The following GTF2IRD1 variants were observed in gnomAD, a reference collection of about 807,000 sequenced individuals.
GTF2IRD1 encodes the protein general transcription factor II-I repeat domain-containing protein 1.
A neutral mutation model predicts 113.2 loss-of-function variants in GTF2IRD1; 26 were observed. The observed-to-expected ratio is 0.23, with a 90% CI of 0.17 to 0.32. The LOEUF is 0.32. Ranked by LOEUF, GTF2IRD1 falls within the 10% of genes least tolerant of loss-of-function variation. The pLI is 1.00. For missense variants in GTF2IRD1, 864 were observed against 1,280.8 expected (o/e 0.67, Z 4.97); for synonymous variants, 484 against 529.1 (o/e 0.91, Z 1.17).
chr7:74,513,276 C>A (rs899927187), intron 3 of GTF2IRD1, among the ~76,000 whole-genome samples: 1 of 152,190 alleles, frequency 6.6e-6, no homozygotes, highest in Non-Finnish European at 1.5e-5. Context: ...TTCCTGAACA[C>A]AAGGACCAAA....
intron 1 of GTF2IRD1, among the ~76,000 whole-genome samples, chr7:74,481,606 T>C (rs1794745326): frequency 1.3e-5 from 2 of 152,240 alleles, no homozygotes; most frequent in African/African-American, 4.8e-5. Flanking sequence ...GTCTGGAGTT[T>C]GCATCCCGGG....
intron 1 of GTF2IRD1, among the ~76,000 whole-genome samples, chr7:74,484,181 G>A (rs752282708): frequency 5.9e-5 from 9 of 152,208 alleles, no homozygotes; most frequent in Non-Finnish European, 1.0e-4. Context: ...CTCTGTCAGC[G>A]TAATGGCAAT....
chr7:74,525,039 C>CA (rs1209644417), intron 8 of GTF2IRD1, among the ~76,000 whole-genome samples: 2 of 151,170 alleles, frequency 1.3e-5, no homozygotes, highest in Non-Finnish European at 3.0e-5. Flanking sequence ...CCTATCTCTA[C>CA]AAAAAAACAA....
chr7:74,474,638 C>A (rs1380558584), intron 1 of GTF2IRD1, among the ~76,000 whole-genome samples: 2 of 152,166 alleles, frequency 1.3e-5, no homozygotes, highest in Non-Finnish European at 2.9e-5. Context: ...CCTTTCTGAG[C>A]CTCTACATCC....
At position 74,536,244 on chromosome 7, in the gene GTF2IRD1, G is replaced by C; in HGVS notation, c.1378G>C (p.Ala460Pro). 6.2e-7 allele frequency: 1 copy of C among 1,612,418 alleles called. No homozygotes were observed. Among genetic ancestry groups the C allele is most frequent in the Non-Finnish European group, 8.5e-7 (1 of 1,178,564 alleles). ...GGACACCTCTGCAGAGGTCTCTAGG[G>C]CCACCGTCCTTGACCTTGCTGGGAA... ...PEDTSAEVSR[A>P]TVLDLAGNAR... Residue 460 changes from alanine (A) to proline (P), a missense_variant, in exon 11 of 27, where the codon GCC becomes CCC. Around this residue, in one of 7 missense-constraint regions of GTF2IRD1, gnomAD observed 218 missense variants for 352.6 expected, o/e 0.62. Transcript: ENST00000424337.
At chr7:74,503,031 G>A (rs1054043127) in intron 1 of GTF2IRD1, among the ~76,000 whole-genome samples, 3 of 152,068 alleles carry the variant, frequency 2.0e-5, no homozygotes, top group Non-Finnish European at 4.4e-5. Flanking sequence ...GCCGGGTGTG[G>A]TGGTGCACGC....
intron 22 of GTF2IRD1, among the ~76,000 whole-genome samples, chr7:74,569,691 G>T (rs782594875): frequency 1.3e-5 from 2 of 152,212 alleles, no homozygotes; most frequent in Non-Finnish European, 2.9e-5. Flanking sequence ...AGAAGCCAGG[G>T]AGTGTTGAGA....
intron 1 of GTF2IRD1, among the ~76,000 whole-genome samples, chr7:74,479,793 T>C (rs1554334248): frequency 6.8e-6 from 1 of 147,690 alleles, no homozygotes; most frequent in Non-Finnish European, 1.5e-5. Context: ...AGTCCTGCTC[T>C]GTCATCTAGG....
intron 9 of GTF2IRD1, among the ~76,000 whole-genome samples, chr7:74,533,177 C>T (rs1211532979): frequency 6.6e-6 from 1 of 150,410 alleles, no homozygotes; most frequent in African/African-American, 2.5e-5. Flanking sequence ...CTCTATTGCC[C>T]AGGCTGGAGT....
intron 17 of GTF2IRD1, among the ~76,000 whole-genome samples, chr7:74,553,539 T>A (rs1454803095): frequency 4.6e-5 from 7 of 152,148 alleles, no homozygotes; most frequent in African/African-American, 1.2e-4. Flanking sequence ...TGCCCCTGCC[T>A]CAGCCTCCCA....
chr7:74,584,258 GCA>G, intron 22 of GTF2IRD1, among the ~76,000 whole-genome samples: 1 of 152,102 alleles, frequency 6.6e-6, no homozygotes, highest in South Asian at 2.1e-4. Flanking sequence ...GGCCTGGGCA[GCA>G]TAACAAAACC....
intron 25 of GTF2IRD1, among the ~76,000 whole-genome samples, chr7:74,595,280 C>T (rs1284212655): frequency 6.6e-6 from 1 of 151,876 alleles, no homozygotes; most frequent in East Asian, 1.9e-4. Flanking sequence ...GTCGTGGGCA[C>T]CTGTAATCCC....
At chr7:74,553,081 A>G (rs782089298) in intron 17 of GTF2IRD1, among the ~76,000 whole-genome samples, 2 of 151,962 alleles carry the variant, frequency 1.3e-5, no homozygotes, top group Non-Finnish European at 2.9e-5. Context: ...TAAGTGATCC[A>G]TCCACCTTGA....
At chr7:74,462,286 T>C (rs137912921) in intron 1 of GTF2IRD1, among the ~76,000 whole-genome samples, 2 of 152,320 alleles carry the variant, frequency 1.3e-5, no homozygotes, top group African/African-American at 4.8e-5. Flanking sequence ...GGAGGATTGC[T>C]TGACCCCAGG....
chr7:74,581,102 C>T (rs1240018350), intron 22 of GTF2IRD1, among the ~76,000 whole-genome samples: 1 of 152,116 alleles, frequency 6.6e-6, no homozygotes, highest in Non-Finnish European at 1.5e-5. Flanking sequence ...TCACTGCAAC[C>T]TCCGCCTCCC....
At chr7:74,569,474 G>C (rs191037710) in intron 22 of GTF2IRD1, among the ~76,000 whole-genome samples, 3 of 152,180 alleles carry the variant, frequency 2.0e-5, no homozygotes, top group Non-Finnish European at 4.4e-5. Flanking sequence ...GTGCAGTGAG[G>C]GGGGGATGGA....
At chr7:74,500,168 TCACAAATGACCTTGAACCGCTGC>T (rs1352631664) in intron 1 of GTF2IRD1, among the ~76,000 whole-genome samples, 13 of 152,096 alleles carry the variant, frequency 8.5e-5, no homozygotes, top group South Asian at 2.1e-4. Flanking sequence ...CCATCAAGTG[TCACAAATGACCTTGAACCGCTGC>T]CACAAATGAC....
intron 1 of GTF2IRD1, among the ~76,000 whole-genome samples, chr7:74,482,287 A>T (rs932944852): frequency 7.9e-6 from 1 of 127,250 alleles, no homozygotes; most frequent in Admixed American, 1.0e-4. Context: ...GAGTGCAGTG[A>T]TGCAATCTCG....
chr7:74,529,609 C>T (rs1554348168), intron 8 of GTF2IRD1, 125 bp from the exon 9 acceptor site: 2 of 709,420 alleles, frequency 2.8e-6, no homozygotes, highest in Non-Finnish European at 4.7e-6. Context: ...TGCAGGATCC[C>T]TCTGGCCGCT....
Sources: allele counts gnomAD v4.1 joint callset (sites outside exome capture counted in the v4.1 genomes callset), GRCh38; gene constraint gnomAD v4.1.1; regional missense constraint gnomAD v4.1.1; transcripts MANE v1.5; gene names NCBI Gene and HGNC (gene_info 2026-07-23, HGNC 2026-07-21).